Variants in RBFOX1 observed in about 807,000 individuals in gnomAD.
RBFOX1 encodes RNA binding fox-1 homolog 1, also known as RNA binding protein fox-1 homolog 1.
In RBFOX1, 8 loss-of-function variants were observed where a neutral mutation model predicts 57.7. The observed-to-expected ratio is 0.14, with a 90% CI of 0.08 to 0.25. RBFOX1 has a LOEUF of 0.25. RBFOX1 is among the 10% of genes least tolerant of loss of function. The probability of loss-of-function intolerance (pLI) is 1.00; values close to 1 mark genes in which losing one functional copy is unlikely to be tolerated. For missense variants in RBFOX1, 611 were observed against 548.5 expected (o/e 1.11, Z -1.14); for synonymous variants, 326 against 222.4 (o/e 1.47, Z -4.15).
intron 3 of RBFOX1, among the ~76,000 whole-genome samples, chr16:6,910,411 A>C (rs1284826012): frequency 1.3e-5 from 2 of 152,182 alleles, no homozygotes. Flanking sequence ...ACTTTATCTC[A>C]GGAATTCTGT....
chr16:6,701,217 A>G (rs1033406998), intron 3 of RBFOX1, among the ~76,000 whole-genome samples: 4 of 152,042 alleles, frequency 2.6e-5, no homozygotes, highest in Admixed American at 6.5e-5. Flanking sequence ...CATTGGATGC[A>G]AGTTGCCCCA....
downstream of RBFOX1, among the ~76,000 whole-genome samples, chr16:5,604,242 A>C (rs2047477529): frequency 6.6e-6 from 1 of 152,192 alleles, no homozygotes; most frequent in Admixed American, 6.5e-5. Context: ...GTGGCTTCAA[A>C]CAACACCTGT....
intron 3 of RBFOX1, among the ~76,000 whole-genome samples, chr16:5,803,104 G>A (rs1462695484): frequency 2.0e-5 from 3 of 152,104 alleles, no homozygotes; most frequent in Non-Finnish European, 4.4e-5. Context: ...GAATGGGTTG[G>A]ATGGGACTAT....
At chr16:6,377,630 C>T (rs74350127) in intron 2 of RBFOX1, among the ~76,000 whole-genome samples, 2,553 of 152,264 alleles carry the variant, frequency 0.017, 33 homozygotes, top group Non-Finnish European at 0.028. Flanking sequence ...ATCCTCCAAG[C>T]GCCTCACCCT....
chr16:6,865,522 C>A (rs192995389), intron 3 of RBFOX1, among the ~76,000 whole-genome samples: 1 of 152,032 alleles, frequency 6.6e-6, no homozygotes, highest in Non-Finnish European at 1.5e-5. Flanking sequence ...TAATGACTTG[C>A]TACTATGCTG....
intron 2 of RBFOX1, among the ~76,000 whole-genome samples, chr16:6,513,203 C>T (rs775816796): frequency 2.6e-5 from 4 of 152,134 alleles, no homozygotes; most frequent in Non-Finnish European, 5.9e-5. Flanking sequence ...GAATGCCTAG[C>T]ATATTGGGGC....
At chr16:7,029,546 T>C (rs1014533881) in intron 3 of RBFOX1, among the ~76,000 whole-genome samples, 4 of 152,036 alleles carry the variant, frequency 2.6e-5, no homozygotes, top group Non-Finnish European at 5.9e-5. Flanking sequence ...TCTAATATTT[T>C]ACCTGGACTA....
At chr16:7,458,580 C>T (rs74889647) in intron 4 of RBFOX1, among the ~76,000 whole-genome samples, 7,747 of 152,188 alleles carry the variant, frequency 0.051, 279 homozygotes, top group East Asian at 0.14. Context: ...AGCATTCTTT[C>T]CCTTTCCTCT....
chr16:6,832,954 C>T (rs1032870374), intron 3 of RBFOX1, among the ~76,000 whole-genome samples: 1 of 152,154 alleles, frequency 6.6e-6, no homozygotes, highest in Admixed American at 6.5e-5. Context: ...ATTAAAAATA[C>T]AGTCACACAA....
At chr16:6,750,508 C>G (rs1028142067) in intron 3 of RBFOX1, among the ~76,000 whole-genome samples, 2 of 152,182 alleles carry the variant, frequency 1.3e-5, no homozygotes, top group East Asian at 1.9e-4. Context: ...TCTTGATACG[C>G]TGTTAACAGC....
chr16:6,618,130 G>T (rs1156297423), intron 2 of RBFOX1, among the ~76,000 whole-genome samples: 1 of 151,920 alleles, frequency 6.6e-6, no homozygotes, highest in Non-Finnish European at 1.5e-5. Context: ...AACCGTCAGT[G>T]CTCCCAGTGT....
intron 1 of RBFOX1, among the ~76,000 whole-genome samples, chr16:6,220,258 C>G (rs969573908): frequency 6.6e-6 from 1 of 152,008 alleles, no homozygotes; most frequent in Non-Finnish European, 1.5e-5. Context: ...TACAAACAGA[C>G]ACACATAACA....
At chr16:6,803,994 T>C (rs576291376) in intron 3 of RBFOX1, among the ~76,000 whole-genome samples, 43 of 151,958 alleles carry the variant, frequency 2.8e-4, no homozygotes, top group African/African-American at 1.0e-3. Context: ...AACTGTATAG[T>C]ACATAAAACT....
At chr16:7,057,459 A>T (rs1334866694) in intron 4 of RBFOX1, among the ~76,000 whole-genome samples, 3 of 152,142 alleles carry the variant, frequency 2.0e-5, no homozygotes, top group African/African-American at 7.2e-5. Flanking sequence ...CTCTACCTTT[A>T]TGCACACATC....
intron 3 of RBFOX1, among the ~76,000 whole-genome samples, chr16:6,885,692 C>T (rs1457941509): frequency 1.3e-5 from 2 of 151,894 alleles, no homozygotes; most frequent in African/African-American, 2.4e-5. Flanking sequence ...CCACCACACT[C>T]AGCTAATTTT....
intron 2 of RBFOX1, among the ~76,000 whole-genome samples, chr16:5,564,627 C>T (rs1279954977): frequency 6.6e-6 from 1 of 152,280 alleles, no homozygotes; most frequent in Non-Finnish European, 1.5e-5. Context: ...TTTTTGGAGT[C>T]TGTCCTGTAT....
At chr16:6,386,015 A>C (rs938261995) in intron 2 of RBFOX1, among the ~76,000 whole-genome samples, 7 of 150,228 alleles carry the variant, frequency 4.7e-5, no homozygotes, top group South Asian at 4.2e-4. Context: ...GGCTCACTGC[A>C]AGCTCCGCCT....
intron 9 of RBFOX1, among the ~76,000 whole-genome samples, chr16:7,602,944 C>A (rs1158129221): frequency 6.6e-6 from 1 of 152,148 alleles, no homozygotes; most frequent in East Asian, 1.9e-4. Flanking sequence ...ACTTCAGAAA[C>A]TGTACAAATA....
At chr16:6,192,996 A>C (rs140095143) in intron 1 of RBFOX1, among the ~76,000 whole-genome samples, 7 of 152,242 alleles carry the variant, frequency 4.6e-5, no homozygotes, top group Admixed American at 2.6e-4. Flanking sequence ...AGTCCCATTC[A>C]TCTGATGGCT....
Sources: gnomAD v4.1 joint callset for allele counts (sites outside exome capture counted in the v4.1 genomes callset) on GRCh38, gnomAD v4.1.1 for gene constraint, MANE v1.5 for transcripts, NCBI Gene and HGNC (gene_info 2026-07-23, HGNC 2026-07-21) for gene names.